The following FAT1 variants were observed in gnomAD, a reference collection of about 807,000 sequenced individuals.
FAT1 encodes the protein FAT atypical cadherin 1.
In FAT1, 171 loss-of-function variants were observed where a neutral mutation model predicts 329.8. That is an observed-to-expected ratio of 0.52 (90% CI 0.46 to 0.59). The LOEUF is 0.59. FAT1 is among the 20% of genes least tolerant of loss of function. The probability of loss-of-function intolerance (pLI) is 0.00; values close to 1 mark genes in which losing one functional copy is unlikely to be tolerated. For missense variants in FAT1, 5,672 were observed against 5,774.4 expected (o/e 0.98, Z 0.57); for synonymous variants, 2,233 against 2,228.6 (o/e 1.00, Z -0.06).
Position 186,693,095 on chromosome 4 carries a change from T to TA in FAT1, c.3265+13467dup, listed in dbSNP as rs571320219. ...CGTTCTAGTTTAAATGGAAATGTGCTAAAAATAACTTGAAGATATACTGTA... is the reference window on the plus strand; with the variant it reads ...CGTTCTAGTTTAAATGGAAATGTGCTAAAAAATAACTTGAAGATATACTGTA... On this transcript the variant is annotated intron_variant, in intron 2 of 26. Coordinates refer to ENST00000441802, the MANE Select transcript of FAT1 (RefSeq NM_005245.4). Among the ~76,000 whole-genome samples the TA allele has an allele frequency of 7.9e-4, 120 of 152,336 alleles. 2 individuals carry two copies. The South Asian group carries it at 0.011, about 14-fold the overall frequency.
intron 1 of FAT1, among the ~76,000 whole-genome samples, chr4:186,717,530 T>C (rs1234741522): frequency 1.3e-5 from 2 of 152,242 alleles, no homozygotes; most frequent in Non-Finnish European, 2.9e-5. Context: ...ACAATGACAG[T>C]GTGGAACTAC....
At position 186,618,811 on chromosome 4, in the gene FAT1, T is replaced by C. The variant is rs368192179; in HGVS notation, c.7775A>G (p.Asn2592Ser). The C allele has an allele frequency of 5.6e-6, 9 of 1,614,024 alleles. No individual in the cohort carries two copies. Among genetic ancestry groups the C allele is most frequent in the East Asian group, 4.5e-5 (2 of 44,882 alleles). The change falls in exon 10 of 27, where the codon AAT becomes AGT. Residue 2592 changes from asparagine to serine, a missense_variant. Asn to Ser is a conservative substitution (Grantham distance 46, BLOSUM62 1). This residue lies in a region of FAT1 where 3,966 missense variants were observed against 3,915.2 expected (regional missense o/e 1.01). Coordinates refer to ENST00000441802, the MANE Select transcript of FAT1 (RefSeq NM_005245.4). ...VNVILTDDND[N>S]APQFRATKYE... ...TTTGGTTGCTCGAAATTGTGGTGCA[T>C]TGTCATTGTCATCTGTAAGGATGAC...
At chr4:186,666,468 A>G (rs1258050062) in intron 2 of FAT1, among the ~76,000 whole-genome samples, 1 of 152,250 alleles carries the variant, frequency 6.6e-6, no homozygotes, top group Non-Finnish European at 1.5e-5. Flanking sequence ...CGGGAGGATT[A>G]CACATTAACA....
intron 26 of FAT1, among the ~76,000 whole-genome samples, chr4:186,589,990 G>A (rs1331164909): frequency 6.6e-6 from 1 of 152,072 alleles, no homozygotes; most frequent in Non-Finnish European, 1.5e-5. Flanking sequence ...ATCAAAGCAT[G>A]CCAATTCAAG....
Position 186,639,603 on chromosome 4 carries a change from A to G in FAT1, c.3642+119T>C, listed in dbSNP as rs1401479191. 4.5e-6 allele frequency: 3 copies of G among 666,058 alleles called. No individual in the cohort carries two copies. In the African/African-American group the frequency reaches 5.5e-5, roughly 12 times the overall value. 41.3% of individuals were successfully genotyped at this position (666,058 alleles called of 1,614,324 possible). A position where few individuals can be genotyped will look rare whatever the true frequency, so the allele number is the denominator to read the frequency against. ...CCTTTTTCCTAACAACCAGTAAATAATATTAATACAACAAAATATTAATAG... is the reference window on the plus strand; with the variant it reads ...CCTTTTTCCTAACAACCAGTAAATAGTATTAATACAACAAAATATTAATAG... On this transcript the variant is annotated intron_variant, in intron 4 of 26. Coordinates refer to ENST00000441802, the MANE Select transcript of FAT1 (RefSeq NM_005245.4).
intron 16 of FAT1, among the ~76,000 whole-genome samples, chr4:186,608,303 G>A (rs1739238296): frequency 6.6e-6 from 1 of 152,180 alleles, no homozygotes; most frequent in Non-Finnish European, 1.5e-5. Flanking sequence ...AACACTTTAA[G>A]TCATCTCTAG....
chr4:186,716,935 C>A (rs1220691264), intron 1 of FAT1, among the ~76,000 whole-genome samples: 9 of 152,102 alleles, frequency 5.9e-5, no homozygotes, highest in Admixed American at 5.2e-4. Flanking sequence ...AGGCATGCAC[C>A]ACCATGACCA....
At chr4:186,675,782 AACACACACACACACACACAC>A (rs66981811) in intron 2 of FAT1, among the ~76,000 whole-genome samples, 6 of 143,200 alleles carry the variant, frequency 4.2e-5, no homozygotes, top group East Asian at 4.2e-4. Flanking sequence ...CCCTGTCTAA[AACACACACACACACACACAC>A]ACACACACAC....
At chr4:186,625,638 C>T (rs187779052) in intron 9 of FAT1, among the ~76,000 whole-genome samples, 113 of 152,364 alleles carry the variant, frequency 7.4e-4, no homozygotes, top group Non-Finnish European at 1.3e-3. Flanking sequence ...TCTCTAAACT[C>T]ATTATGAAGA....
chr4:186,667,759 CAT>C (rs1295658858), intron 2 of FAT1, among the ~76,000 whole-genome samples: 1 of 152,168 alleles, frequency 6.6e-6, no homozygotes, highest in Non-Finnish European at 1.5e-5. Context: ...CAGCTTTACA[CAT>C]GAGGAAAGAG....
chr4:186,628,807 G>A (rs1740450863), intron 7 of FAT1, 44 bp from the exon 8 acceptor site: 1 of 1,566,536 alleles, frequency 6.4e-7, no homozygotes, highest in South Asian at 1.2e-5. Context: ...TTCCAATTAT[G>A]AATGTTTTAA....
chr4:186,678,524 CTT>C (rs1743052868), intron 2 of FAT1, among the ~76,000 whole-genome samples: 1 of 148,320 alleles, frequency 6.7e-6, no homozygotes, highest in Non-Finnish European at 1.5e-5. Context: ...TCTATTATCA[CTT>C]TATTTTATAC....
intron 18 of FAT1, 36 bp from the exon 19 acceptor site, chr4:186,604,013 T>C (rs773639692): frequency 1.3e-6 from 2 of 1,498,814 alleles, no homozygotes; most frequent in African/African-American, 1.4e-5. Flanking sequence ...CCTTTGTCTA[T>C]GGCACTGTTT....
In FAT1 at chr4:186,603,755, A is replaced by T. The variant is rs1052053345; in HGVS notation, c.10771T>A (p.Ser3591Thr). The change falls in exon 19 of 27, where the codon TCT (serine) becomes ACT (threonine). Residue 3591 changes from serine to threonine, a missense_variant. Around this residue, in one of 2 missense-constraint regions of FAT1, gnomAD observed 1,706 missense variants for 1,859.1 expected, o/e 0.92. Coordinates refer to ENST00000441802, the MANE Select transcript of FAT1 (RefSeq NM_005245.4). The part of the protein sequence containing the change: ...SLDPQMDNLF[S>T]VSSTGGKLIA... ...AGCTTGCCCCCTGTGCTGGAAACAG[A>T]GAACAGGTTGTCCATCTGAGGGTCG... 6.2e-7 allele frequency: 1 copy of T among 1,613,992 alleles called. No individual in the cohort carries two copies. The highest frequency in any genetic ancestry group is 1.3e-5 in the African/African-American group (1 of 75,050).
At chr4:186,709,873 C>G (rs770229335) in intron 1 of FAT1, 28 bp from the exon 2 acceptor site, 1 of 1,529,154 alleles carries the variant, frequency 6.5e-7, no homozygotes. Context: ...AGAATCGTTA[C>G]CTTGGGGAAA....
In FAT1 at chr4:186,603,866, A is replaced by C. The variant is rs2637777; in HGVS notation, c.10660T>G (p.Ser3554Ala). ...CCACCTGAGTATTCTTCTCCAGAAG[A>C]GGTGATGAAAATCTCCAGGGGCAAA... ...AILPLEIFIT[S>A]SGEEYSGGVI... The change falls in exon 19 of 27, where the codon TCT (serine) becomes GCT (alanine). Residue 3554 changes from serine to alanine, a missense_variant. Physicochemically the swap from Ser to Ala is moderately conservative, Grantham distance 99. This residue lies in a region of FAT1 where 1,706 missense variants were observed against 1,859.1 expected (regional missense o/e 0.92). Coordinates refer to ENST00000441802, the MANE Select transcript of FAT1 (RefSeq NM_005245.4). 631,227 of 1,613,202 alleles carry C rather than the reference A, an allele frequency of 0.39. 132,754 individuals carry two copies. Among genetic ancestry groups the C allele is most frequent in the African/African-American group, 0.74 (55,322 of 74,882 alleles).
chr4:186,590,334 G>A (rs892351229), intron 26 of FAT1: 1 of 1,267,988 alleles, frequency 7.9e-7, no homozygotes, highest in African/African-American at 1.5e-5. Context: ...TGTTTTTAGT[G>A]AGTATCAATG....
chr4:186,599,557 AAAG>A (rs1738694789), intron 22 of FAT1, among the ~76,000 whole-genome samples: 1 of 152,154 alleles, frequency 6.6e-6, no homozygotes, highest in South Asian at 2.1e-4. Flanking sequence ...TACAAATAAC[AAAG>A]AAGGGCTAAG....
intron 2 of FAT1, among the ~76,000 whole-genome samples, chr4:186,693,434 C>A (rs149564498): frequency 1.9e-5 from 2 of 105,126 alleles, no homozygotes; most frequent in East Asian, 3.6e-4. Context: ...CTTGGCCCAG[C>A]GGATTTGCTG....
Sources: allele counts gnomAD v4.1 joint callset (sites outside exome capture counted in the v4.1 genomes callset), GRCh38; gene constraint gnomAD v4.1.1; regional missense constraint gnomAD v4.1.1; transcripts MANE v1.5; gene names NCBI Gene and HGNC (gene_info 2026-07-23, HGNC 2026-07-21).